ANKS1B: variants seen among roughly 807,000 people sequenced by gnomAD.
ANKS1B encodes the protein ankyrin repeat and sterile alpha motif domain containing 1B.
Under a neutral mutation model 148.3 loss-of-function variants are expected in ANKS1B, and 36 were observed. The ratio of observed to expected loss-of-function variants is 0.24; its 90% CI spans 0.19 to 0.32. The LOEUF (loss-of-function observed/expected upper bound fraction) is 0.32. ANKS1B is among the 10% of genes least tolerant of loss of function. ANKS1B has a pLI of 1.00. For synonymous variants in ANKS1B, 542 were observed against 560.8 expected (o/e 0.97, Z 0.47); for missense variants, 1,157 against 1,542.6 (o/e 0.75, Z 4.19).
At chr12:98,900,125 C>T (rs988345059) in intron 17 of ANKS1B, among the ~76,000 whole-genome samples, 2 of 152,134 alleles carry the variant, frequency 1.3e-5, no homozygotes, top group African/African-American at 4.8e-5. Context: ...TCAACAGATC[C>T]ATATAGATGT....
chr12:99,196,033 T>C (rs1028816298), intron 14 of ANKS1B, among the ~76,000 whole-genome samples: 1 of 152,150 alleles, frequency 6.6e-6, no homozygotes, highest in African/African-American at 2.4e-5. Context: ...AAAAAGTTAA[T>C]AATATGATAT....
intron 19 of ANKS1B, among the ~76,000 whole-genome samples, chr12:98,811,278 A>G (rs1566776636): frequency 6.6e-6 from 1 of 152,156 alleles, no homozygotes; most frequent in Non-Finnish European, 1.5e-5. Context: ...CTCCTAGGAC[A>G]CATGCATGCC....
At chr12:99,586,618 C>T (rs1205209686) in intron 9 of ANKS1B, among the ~76,000 whole-genome samples, 1 of 152,222 alleles carries the variant, frequency 6.6e-6, no homozygotes, top group South Asian at 2.1e-4. Context: ...CTACTGGTAC[C>T]AATTTACTGT....
chr12:99,030,150 G>C (rs561282408), intron 17 of ANKS1B, among the ~76,000 whole-genome samples: 2 of 152,288 alleles, frequency 1.3e-5, no homozygotes, highest in Non-Finnish European at 2.9e-5. Context: ...GTCTGCCTGG[G>C]CACACGTCAA....
intron 17 of ANKS1B, among the ~76,000 whole-genome samples, chr12:98,917,807 A>G (rs560390702): frequency 6.6e-6 from 1 of 152,296 alleles, no homozygotes; most frequent in East Asian, 1.9e-4. Context: ...CTAAGAACGA[A>G]CATGTGTTTT....
chr12:99,065,693 A>G (rs1006466697), intron 16 of ANKS1B, among the ~76,000 whole-genome samples: 18 of 125,510 alleles, frequency 1.4e-4, no homozygotes, highest in Non-Finnish European at 1.3e-4. Flanking sequence ...CCAACCATCC[A>G]TCCGTCCACC....
At chr12:98,993,148 T>G (rs1477936514) in intron 17 of ANKS1B, among the ~76,000 whole-genome samples, 2 of 152,178 alleles carry the variant, frequency 1.3e-5, no homozygotes, top group Non-Finnish European at 2.9e-5. Context: ...CATAGTTGAT[T>G]CTTTTTTTAA....
At chr12:99,762,656 G>T (rs951866559) in intron 8 of ANKS1B, among the ~76,000 whole-genome samples, 19 of 151,920 alleles carry the variant, frequency 1.3e-4, no homozygotes, top group Non-Finnish European at 2.1e-4. Context: ...AAGAGCAATT[G>T]CAACAAAAAC....
intron 11 of ANKS1B, among the ~76,000 whole-genome samples, chr12:99,420,183 C>T (rs1219381987): frequency 1.3e-5 from 2 of 152,194 alleles, no homozygotes; most frequent in African/African-American, 4.8e-5. Context: ...AATACACTTT[C>T]CATTACATCA....
chr12:98,821,754 T>A (rs1454839252), intron 19 of ANKS1B, among the ~76,000 whole-genome samples: 1 of 152,006 alleles, frequency 6.6e-6, no homozygotes, highest in Admixed American at 6.6e-5. Context: ...ATTACAGACA[T>A]CTGCCACCAT....
At chr12:99,975,153 C>CAA (rs5800396) in intron 1 of ANKS1B, among the ~76,000 whole-genome samples, 213 of 151,844 alleles carry the variant, frequency 1.4e-3, no homozygotes, top group Non-Finnish European at 2.3e-3. Flanking sequence ...AACTTGTCTC[C>CAA]AAAAAAATGG....
chr12:99,665,468 T>C (rs1236087285), intron 8 of ANKS1B, among the ~76,000 whole-genome samples: 1 of 152,002 alleles, frequency 6.6e-6, no homozygotes, highest in East Asian at 1.9e-4. Flanking sequence ...TTTACACATT[T>C]TTATTAGGTT....
chr12:98,957,090 G>A (rs1359344587), intron 17 of ANKS1B, among the ~76,000 whole-genome samples: 6 of 152,000 alleles, frequency 3.9e-5, no homozygotes, highest in Non-Finnish European at 5.9e-5. Context: ...TACATTCCAG[G>A]TTCAGTTCAG....
At chr12:99,926,469 A>T (rs909657702) in intron 1 of ANKS1B, among the ~76,000 whole-genome samples, 1 of 152,164 alleles carries the variant, frequency 6.6e-6, no homozygotes, top group Non-Finnish European at 1.5e-5. Context: ...TTCCAGCCCA[A>T]CTGCCTTTAA....
At chr12:99,760,041 T>TA (rs2061938775) in intron 8 of ANKS1B, among the ~76,000 whole-genome samples, 1 of 151,878 alleles carries the variant, frequency 6.6e-6, no homozygotes, top group African/African-American at 2.4e-5. Context: ...GTTCAAAACA[T>TA]AAAAATTAAA....
chr12:99,038,038 T>C (rs944123696), intron 17 of ANKS1B, among the ~76,000 whole-genome samples: 11 of 152,202 alleles, frequency 7.2e-5, no homozygotes, highest in Admixed American at 6.5e-4. Context: ...AGCTTCTGCA[T>C]GAAAGGATAG....
chr12:99,815,605 A>G (rs1206098378), intron 2 of ANKS1B, among the ~76,000 whole-genome samples: 2 of 150,834 alleles, frequency 1.3e-5, no homozygotes, highest in East Asian at 3.9e-4. Flanking sequence ...AGTAGTGCAC[A>G]ATGTTTCCAG....
chr12:98,751,335 T>C lies in ANKS1B; in HGVS notation c.3747+20A>G. 6.2e-7 allele frequency: 1 copy of C among 1,612,164 alleles called. No homozygotes were observed. Among genetic ancestry groups the C allele is most frequent in the South Asian group, 1.1e-5 (1 of 90,874 alleles). On this transcript the variant is annotated intron_variant, in intron 26 of 26. Transcript: ENST00000683438. This position sits in a 1 kb window ranked among gnomAD's most constrained non-coding sequence, Gnocchi z 4.3. ...CTCCTGTTCAAGGTTTTTTAGAACA[T>C]CTGTATCGTTTCTACTTACCACGGA...
At chr12:99,963,238 A>G (rs1201777501) in intron 1 of ANKS1B, among the ~76,000 whole-genome samples, 1 of 152,142 alleles carries the variant, frequency 6.6e-6, no homozygotes, top group African/African-American at 2.4e-5. Flanking sequence ...TTCCTTGTAA[A>G]TTCTGGCTAT....
Sources: gnomAD v4.1 joint callset for allele counts (sites outside exome capture counted in the v4.1 genomes callset) on GRCh38, gnomAD v4.1.1 for gene constraint, Gnocchi (gnomAD v3.1) non-coding constraint, MANE v1.5 for transcripts, NCBI Gene and HGNC (gene_info 2026-07-23, HGNC 2026-07-21) for gene names.